Variants in DTWD2 observed in about 807,000 individuals in gnomAD.
The protein encoded by DTWD2 is tRNA-uridine aminocarboxypropyltransferase 2.
DTWD2 carries 39 observed loss-of-function variants against 31.8 expected under a neutral mutation model. The ratio of observed to expected loss-of-function variants is 1.22; its 90% CI spans 0.95 to 1.60. The LOEUF is 1.60. DTWD2 is among the 40% of genes most tolerant of loss of function. The pLI is 0.00. For missense variants in DTWD2, 515 were observed against 381.5 expected, an observed-to-expected ratio of 1.35 and a Z score of -2.92; for synonymous variants, 180 against 142.8, an observed-to-expected ratio of 1.26 and a Z score of -1.86.
chr5:118,898,573 C>T (rs992453166), intron 4 of DTWD2, among the ~76,000 whole-genome samples: 10 of 149,806 alleles, frequency 6.7e-5, no homozygotes, highest in African/African-American at 2.5e-4. Flanking sequence ...GCAAGAGAAT[C>T]GCTTGAACCT....
rs573942904 is a variant in DTWD2, at chr5:118,875,865, C to T, written c.598-27647G>A. Among the ~76,000 whole-genome samples the T allele has an allele frequency of 6.6e-5, 10 of 151,674 alleles. No homozygotes were observed. In the South Asian group the frequency reaches 1.0e-3, roughly 16 times the overall value. ...TCAGCACTGGATCGAACGGACCCAACGGGTATCCACTCTCTGTGAAAAACA... is the reference window on the plus strand; with the variant it reads ...TCAGCACTGGATCGAACGGACCCAATGGGTATCCACTCTCTGTGAAAAACA... On this transcript the variant is annotated intron_variant, in intron 4 of 5. Transcript: ENST00000510708.
At chr5:118,956,505 A>T (rs1392624201) in intron 1 of DTWD2, among the ~76,000 whole-genome samples, 1 of 152,234 alleles carries the variant, frequency 6.6e-6, no homozygotes, top group Non-Finnish European at 1.5e-5. Context: ...ACTATCTCTG[A>T]CAGCCTGTGG....
intron 4 of DTWD2, among the ~76,000 whole-genome samples, chr5:118,888,610 G>A (rs1208114870): frequency 6.6e-6 from 1 of 152,108 alleles, no homozygotes. Flanking sequence ...ATTTCTCTTG[G>A]TTAAATATCT....
chr5:118,856,696 C>A (rs1361488154), intron 4 of DTWD2, among the ~76,000 whole-genome samples: 1 of 143,826 alleles, frequency 7.0e-6, no homozygotes, highest in Non-Finnish European at 1.5e-5. Context: ...TTGTATTTTT[C>A]TTTACTAAAT....
At chr5:118,969,837 T>C (rs994536693) in intron 1 of DTWD2, among the ~76,000 whole-genome samples, 10 of 152,214 alleles carry the variant, frequency 6.6e-5, no homozygotes, top group Admixed American at 3.9e-4. Flanking sequence ...CTGAGATGAC[T>C]GAAATGACAG....
chr5:118,941,486 A>G (rs1259096205), intron 2 of DTWD2, among the ~76,000 whole-genome samples: 1 of 152,180 alleles, frequency 6.6e-6, no homozygotes. Context: ...AGCTTCATCC[A>G]TGTCCTACAA....
At chr5:118,946,554 C>A (rs758264988) in intron 1 of DTWD2, among the ~76,000 whole-genome samples, 2 of 152,150 alleles carry the variant, frequency 1.3e-5, no homozygotes, top group Non-Finnish European at 2.9e-5. Flanking sequence ...CATCATAGGA[C>A]AGAAGAACCA....
At chr5:118,928,819 CT>C in intron 3 of DTWD2, 90 bp from the exon 4 acceptor site, 1 of 1,076,380 alleles carries the variant, frequency 9.3e-7, no homozygotes, top group Admixed American at 2.6e-5. Context: ...AAAAGTTTCC[CT>C]ATATGTAGTC....
chr5:118,867,928 TA>T (rs1168269166), intron 4 of DTWD2, among the ~76,000 whole-genome samples: 3 of 152,094 alleles, frequency 2.0e-5, no homozygotes, highest in Non-Finnish European at 4.4e-5. Flanking sequence ...AAAACAACCC[TA>T]AAATTCATAT....
At chr5:118,936,542 C>T (rs111661731) in intron 3 of DTWD2, among the ~76,000 whole-genome samples, 242 of 151,748 alleles carry the variant, frequency 1.6e-3, no homozygotes, top group South Asian at 2.9e-3. Flanking sequence ...CAGTAGCTCA[C>T]ATCTGTAATC....
intron 4 of DTWD2, among the ~76,000 whole-genome samples, chr5:118,889,459 G>A (rs1050390106): frequency 2.6e-5 from 4 of 151,886 alleles, no homozygotes; most frequent in Admixed American, 2.6e-4. Context: ...CACAGAACAG[G>A]CCCTAAAATC....
At chr5:118,899,151 T>G (rs999362816) in intron 4 of DTWD2, among the ~76,000 whole-genome samples, 5 of 152,236 alleles carry the variant, frequency 3.3e-5, no homozygotes, top group Non-Finnish European at 7.3e-5. Flanking sequence ...TGTTGGCGAT[T>G]CCACTACGTG....
intron 1 of DTWD2, among the ~76,000 whole-genome samples, chr5:118,948,727 T>C (rs1158924892): frequency 6.6e-6 from 1 of 152,044 alleles, no homozygotes; most frequent in African/African-American, 2.4e-5. Context: ...TTCGGCTGTG[T>C]GTAATGAAAA....
intron 1 of DTWD2, among the ~76,000 whole-genome samples, chr5:118,949,775 C>T (rs1454821982): frequency 6.6e-6 from 1 of 152,014 alleles, no homozygotes; most frequent in Non-Finnish European, 1.5e-5. Context: ...GTGAAGGAGG[C>T]TTTGAACTGG....
chr5:118,987,373 G>A (rs1755451705), intron 1 of DTWD2, among the ~76,000 whole-genome samples: 1 of 152,102 alleles, frequency 6.6e-6, no homozygotes, highest in African/African-American at 2.4e-5. Context: ...CCAGCCCTAG[G>A]AAAAGGTCAA....
chr5:118,837,291 G>A lies in DTWD2; in HGVS notation c.*3626C>T, dbSNP rs1034571587. ...TCATTCTACAAAAAGCCTACTTATG[G>A]GGCAAATTAAATGCAAAGTTTCATT... On this transcript the variant is annotated 3_prime_UTR_variant, in exon 6 of 6. Coordinates refer to ENST00000510708, the MANE Select transcript of DTWD2 (RefSeq NM_173666.4). The A allele has an allele frequency of 6.6e-6, 1 of 151,976 alleles. No individual in the cohort carries two copies. The highest frequency in any genetic ancestry group is 2.4e-5 in the African/African-American group (1 of 41,380). 9.4% of individuals were successfully genotyped at this position (151,976 alleles called of 1,614,324 possible).
intron 1 of DTWD2, chr5:118,974,059 G>C (rs1377625182): frequency 1.9e-6 from 3 of 1,606,044 alleles, no homozygotes; most frequent in African/African-American, 2.7e-5. Flanking sequence ...CGGGCAAGCG[G>C]GCAGCTGAAG....
At chr5:118,941,407 A>G (rs1468642030) in intron 2 of DTWD2, among the ~76,000 whole-genome samples, 1 of 152,032 alleles carries the variant, frequency 6.6e-6, no homozygotes, top group Non-Finnish European at 1.5e-5. Context: ...ATTCCCACCT[A>G]TGAGTGAGAA....
At chr5:118,974,519 TG>T (rs1349649764) in intron 1 of DTWD2, 1 of 454,032 alleles carries the variant, frequency 2.2e-6, no homozygotes, top group Non-Finnish European at 4.4e-6. Context: ...GGTGTGACCA[TG>T]TTCATTATAA....
Sources: allele counts gnomAD v4.1 joint callset (sites outside exome capture counted in the v4.1 genomes callset), GRCh38; gene constraint gnomAD v4.1.1; transcripts MANE v1.5; gene names NCBI Gene and HGNC (gene_info 2026-07-23, HGNC 2026-07-21).